The following DLG2 variants were observed in gnomAD, a reference collection of about 807,000 sequenced individuals.
DLG2 encodes discs large MAGUK scaffold protein 2, also known as disks large homolog 2.
In DLG2, 45 loss-of-function variants were observed where a neutral mutation model predicts 132.5. The ratio of observed to expected loss-of-function variants is 0.34; its 90% CI spans 0.27 to 0.44. The LOEUF is 0.44. Among genes scored for constraint, DLG2 ranks in the 20% least tolerant of loss-of-function variants. The pLI, the probability that DLG2 is intolerant of heterozygous loss-of-function variation, is 1.00. For missense variants in DLG2, 1,045 were observed against 1,196.9 expected (o/e 0.87, Z 1.87); for synonymous variants, 424 against 419.6 (o/e 1.01, Z -0.13).
At chr11:83,799,038 A>G (rs2043601637) in intron 17 of DLG2, among the ~76,000 whole-genome samples, 1 of 152,252 alleles carries the variant, frequency 6.6e-6, no homozygotes, top group Admixed American at 6.5e-5. Context: ...AGTATTTCAC[A>G]GTTAGTAAAC....
intron 6 of DLG2, among the ~76,000 whole-genome samples, chr11:84,660,720 G>A (rs2099693630): frequency 1.3e-5 from 2 of 152,114 alleles, no homozygotes; most frequent in East Asian, 1.9e-4. Context: ...CATTTCATCA[G>A]CAGTGTTGAA....
chr11:85,317,305 T>C (rs1432945931), intron 3 of DLG2, among the ~76,000 whole-genome samples: 1 of 151,844 alleles, frequency 6.6e-6, no homozygotes, highest in Non-Finnish European at 1.5e-5. Context: ...TATTAATCCT[T>C]TATTCTAACT....
At chr11:84,703,881 T>TATATATATATAGATATATATATAC (rs1039735623) in intron 6 of DLG2, among the ~76,000 whole-genome samples, 1 of 122,746 alleles carries the variant, frequency 8.1e-6, no homozygotes, top group Non-Finnish European at 1.6e-5. Flanking sequence ...TATATATATA[T>TATATATATATAGATATATATATAC]ATACACGTGT....
intron 11 of DLG2, among the ~76,000 whole-genome samples, chr11:84,043,451 A>G (rs759319892): frequency 1.5e-4 from 23 of 151,736 alleles, no homozygotes; most frequent in Non-Finnish European, 2.5e-4. Flanking sequence ...TCGGGTCACA[A>G]GGGTTTGTTG....
intron 19 of DLG2, among the ~76,000 whole-genome samples, chr11:83,572,619 A>T (rs1282648126): frequency 6.6e-6 from 1 of 152,166 alleles, no homozygotes; most frequent in Non-Finnish European, 1.5e-5. Flanking sequence ...GGCCATCCAA[A>T]ATCAGAAGGT....
At chr11:84,371,338 A>C (rs1227644803) in intron 7 of DLG2, among the ~76,000 whole-genome samples, 1 of 151,112 alleles carries the variant, frequency 6.6e-6, no homozygotes, top group Non-Finnish European at 1.5e-5. Context: ...CTGCAGCCTC[A>C]ACCACCCAGG....
At chr11:84,043,931 C>T (rs567569006) in intron 11 of DLG2, among the ~76,000 whole-genome samples, 27 of 151,620 alleles carry the variant, frequency 1.8e-4, no homozygotes, top group African/African-American at 6.0e-4. Context: ...TTTAAGTTTT[C>T]CTACAGCATA....
At chr11:84,714,646 TTTCTC>T (rs2060981184) in intron 6 of DLG2, among the ~76,000 whole-genome samples, 18 of 130,818 alleles carry the variant, frequency 1.4e-4, no homozygotes, top group Admixed American at 2.3e-4. Flanking sequence ...TCTCTCTCTC[TTTCTC>T]TCTCTCTCTC....
chr11:85,541,432 GT>G (rs921036242), intron 3 of DLG2, among the ~76,000 whole-genome samples: 10 of 151,340 alleles, frequency 6.6e-5, no homozygotes, highest in African/African-American at 2.2e-4. Flanking sequence ...GCCTAAAAAA[GT>G]TAACTTGCCC....
At chr11:84,093,332 C>T (rs774631730) in intron 10 of DLG2, among the ~76,000 whole-genome samples, 2 of 152,134 alleles carry the variant, frequency 1.3e-5, no homozygotes, top group Non-Finnish European at 2.9e-5. Context: ...AGCCTGGGGG[C>T]CTCTGTCTGC....
intron 6 of DLG2, among the ~76,000 whole-genome samples, chr11:84,812,521 G>A (rs1258006564): frequency 6.6e-6 from 1 of 152,142 alleles, no homozygotes; most frequent in Non-Finnish European, 1.5e-5. Context: ...CAAATCCTGT[G>A]TCATGTGATG....
intron 7 of DLG2, among the ~76,000 whole-genome samples, chr11:84,452,705 A>G (rs1567675605): frequency 6.6e-6 from 1 of 151,816 alleles, no homozygotes; most frequent in East Asian, 1.9e-4. Context: ...CAGAAAGGTC[A>G]TCTCATCACC....
At chr11:85,395,490 CA>C (rs1342176013) in intron 3 of DLG2, among the ~76,000 whole-genome samples, 4 of 152,132 alleles carry the variant, frequency 2.6e-5, no homozygotes, top group African/African-American at 9.7e-5. Context: ...AAGGGGATTC[CA>C]CTTTCCTAGC....
chr11:85,424,269 C>G (rs2090546174), intron 3 of DLG2, among the ~76,000 whole-genome samples: 7 of 152,184 alleles, frequency 4.6e-5, no homozygotes. Flanking sequence ...TTGGATGTCT[C>G]CCAGGTACTG....
intron 6 of DLG2, among the ~76,000 whole-genome samples, chr11:84,706,853 T>A (rs1327878540): frequency 6.6e-6 from 1 of 151,776 alleles, no homozygotes; most frequent in East Asian, 1.9e-4. Context: ...AGAGAGAAAC[T>A]AAGTAAACAT....
rs1237088362 is a variant in DLG2 at position 85,558,979 on chromosome 11, T to C, written c.40+39678A>G. Among the ~76,000 whole-genome samples, 3 of 151,482 alleles carry C rather than the reference T, an allele frequency of 2.0e-5. No individual in the cohort carries two copies. In the East Asian group the frequency reaches 5.8e-4, roughly 29 times the overall value. On this transcript the variant is annotated intron_variant, in intron 3 of 27. Coordinates refer to ENST00000376104, the MANE Select transcript of DLG2 (RefSeq NM_001142699.3). ...ATTTTTTTAAATGAGAAGCTAAAAC[T>C]AACGTGCAGAACTAAAGGGAAGAAA...
chr11:85,446,381 G>C (rs146894883), intron 3 of DLG2, among the ~76,000 whole-genome samples: 17 of 152,252 alleles, frequency 1.1e-4, no homozygotes, highest in African/African-American at 3.9e-4. Flanking sequence ...AGAGAAATTA[G>C]TTAGATTTTA....
intron 19 of DLG2, among the ~76,000 whole-genome samples, chr11:83,565,577 C>T (rs2096693396): frequency 6.6e-6 from 1 of 152,150 alleles, no homozygotes; most frequent in Non-Finnish European, 1.5e-5. Context: ...AAATTTTTCC[C>T]AGAGTATGTC....
At chr11:85,027,608 C>T (rs1214839635) in intron 6 of DLG2, among the ~76,000 whole-genome samples, 2 of 152,244 alleles carry the variant, frequency 1.3e-5, no homozygotes, top group Non-Finnish European at 2.9e-5. Context: ...CCACTGTGCA[C>T]AGCCACGCAT....
Sources: allele counts gnomAD v4.1 joint callset (sites outside exome capture counted in the v4.1 genomes callset), GRCh38; gene constraint gnomAD v4.1.1; transcripts MANE v1.5; gene names NCBI Gene and HGNC (gene_info 2026-07-23, HGNC 2026-07-21).